KCNIP3: variants seen among roughly 807,000 people sequenced by gnomAD.
KCNIP3 encodes the protein potassium voltage-gated channel interacting protein 3.
Under a neutral mutation model 35.0 loss-of-function variants are expected in KCNIP3, and 28 were observed. The observed-to-expected ratio is 0.80, with a 90% confidence interval of 0.59 to 1.10. The LOEUF is 1.10. KCNIP3 is among the 50% of genes least tolerant of loss of function. KCNIP3 has a pLI of 0.00. For missense variants in KCNIP3, 295 were observed against 338.4 expected (o/e 0.87, Z 1.01); for synonymous variants, 134 against 133.8 (o/e 1.00, Z -0.01).
At chr2:95,353,735 C>T (rs1679584671) in intron 2 of KCNIP3, among the ~76,000 whole-genome samples, 1 of 152,152 alleles carries the variant, frequency 6.6e-6, no homozygotes, top group African/African-American at 2.4e-5. Context: ...CTGATGCAGC[C>T]CGACCCAGAG....
chr2:95,335,840 C>A (rs1390069123), intron 2 of KCNIP3, among the ~76,000 whole-genome samples: 2 of 152,096 alleles, frequency 1.3e-5, no homozygotes, highest in Admixed American at 6.6e-5. Context: ...TTTACTTCGA[C>A]CCACATATCC....
intron 2 of KCNIP3, among the ~76,000 whole-genome samples, chr2:95,349,952 A>G (rs1419689590): frequency 1.3e-5 from 2 of 152,182 alleles, no homozygotes; most frequent in Non-Finnish European, 2.9e-5. Context: ...CTGAAGGGCT[A>G]TGGTGCCTGA....
intron 2 of KCNIP3, among the ~76,000 whole-genome samples, chr2:95,362,926 C>T (rs1402729026): frequency 1.3e-5 from 2 of 152,182 alleles, no homozygotes; most frequent in African/African-American, 2.4e-5. Flanking sequence ...GTACTGCATT[C>T]TCATGCTAAT....
chr2:95,318,808 T>G (rs890642634), intron 2 of KCNIP3, among the ~76,000 whole-genome samples: 29 of 151,786 alleles, frequency 1.9e-4, no homozygotes, highest in African/African-American at 6.8e-4. Flanking sequence ...CGGAGGAGAG[T>G]AGGCTAAAGA....
chr2:95,347,228 G>T, intron 2 of KCNIP3: 8 of 954,800 alleles, frequency 8.4e-6, no homozygotes, highest in Non-Finnish European at 1.1e-5. Context: ...GCGAGGAGCG[G>T]CCTGGGCCGC....
chr2:95,331,028 G>A (rs1220320747), intron 2 of KCNIP3, among the ~76,000 whole-genome samples: 1 of 152,152 alleles, frequency 6.6e-6, no homozygotes, highest in East Asian at 1.9e-4. Context: ...GAGAGTGAAA[G>A]GGAAGCTGTC....
chr2:95,383,953 T>G, intron 8 of KCNIP3, 49 bp from the exon 9 acceptor site: 1 of 1,568,146 alleles, frequency 6.4e-7, no homozygotes, highest in Non-Finnish European at 8.8e-7. Context: ...GGGGGTCGGA[T>G]TTGGAGCCCA....
rs371078367 is a variant in KCNIP3 at position 95,319,033 on chromosome 2, C to T, written c.181+8513C>T. The stretch of plus-strand genomic sequence containing the variant: ...CCAGGGGCTCATCCCCCAATCTTGT[C>T]CCTGCCCTGTCCTGAGTGCCTTGCA... On this transcript the variant is annotated intron_variant, in intron 2 of 8. Transcript: ENST00000295225. 6.6e-5 allele frequency among the ~76,000 whole-genome samples: 10 copies of T among 152,356 alleles called. No homozygotes were observed. In the East Asian group the frequency reaches 1.2e-3, roughly 18 times the overall value.
At chr2:95,383,124 T>TCCCCCCCCCCCCC in intron 7 of KCNIP3, 108 bp from the exon 8 acceptor site, 1 of 289,100 alleles carries the variant, frequency 3.5e-6, no homozygotes, top group Non-Finnish European at 6.9e-6. Flanking sequence ...CACCCGCCCA[T>TCCCCCCCCCCCCC]CCACCCACCC....
intron 2 of KCNIP3, among the ~76,000 whole-genome samples, chr2:95,325,858 CACAG>C (rs2104235959): frequency 1.0e-4 from 1 of 9,600 alleles, no homozygotes; most frequent in Non-Finnish European, 2.2e-4. Flanking sequence ...CACATACACT[CACAG>C]GCACACATAC....
chr2:95,310,869 T>C (rs1221909663), intron 2 of KCNIP3: 3 of 352,832 alleles, frequency 8.5e-6, no homozygotes, highest in Admixed American at 4.4e-5. Flanking sequence ...GGGCACCTCA[T>C]TGATCCTTTC....
At chr2:95,338,632 CG>C (rs946914849) in intron 2 of KCNIP3, among the ~76,000 whole-genome samples, 2 of 152,174 alleles carry the variant, frequency 1.3e-5, no homozygotes, top group African/African-American at 4.8e-5. Context: ...AGAACACTGT[CG>C]CCCCCAATGA....
At chr2:95,299,892 T>A (rs1306683775) in intron 1 of KCNIP3, among the ~76,000 whole-genome samples, 1 of 152,222 alleles carries the variant, frequency 6.6e-6, no homozygotes, top group African/African-American at 2.4e-5. Context: ...AACGCCCATC[T>A]AGGACATTGT....
chr2:95,330,071 C>T (rs1487656020), intron 2 of KCNIP3, among the ~76,000 whole-genome samples: 4 of 152,212 alleles, frequency 2.6e-5, no homozygotes, highest in South Asian at 2.1e-4. Flanking sequence ...CCGCAGCCAC[C>T]GCCAGCTGCC....
intron 2 of KCNIP3, among the ~76,000 whole-genome samples, chr2:95,315,801 A>T (rs1054082200): frequency 2.0e-5 from 3 of 152,098 alleles, no homozygotes; most frequent in Admixed American, 2.0e-4. Context: ...GGAAAGCGGC[A>T]ATGCAGCAGG....
At chr2:95,325,866 CACAT>C (rs1324769612) in intron 2 of KCNIP3, among the ~76,000 whole-genome samples, 6 of 151,552 alleles carry the variant, frequency 4.0e-5, no homozygotes, top group African/African-American at 9.7e-5. Flanking sequence ...CTCACAGGCA[CACAT>C]ACACTCAGAC....
chr2:95,352,901 G>A (rs1679563319), intron 2 of KCNIP3, among the ~76,000 whole-genome samples: 2 of 152,178 alleles, frequency 1.3e-5, no homozygotes, highest in Admixed American at 1.3e-4. Flanking sequence ...TAACAGCCTG[G>A]TCACCCTGCA....
chr2:95,303,831 G>T (rs1232211583), intron 1 of KCNIP3, among the ~76,000 whole-genome samples: 2 of 152,230 alleles, frequency 1.3e-5, no homozygotes, highest in African/African-American at 4.8e-5. Flanking sequence ...ATAGAGACAT[G>T]ATGCAAGCCA....
At position 95,383,304 on chromosome 2, in the gene KCNIP3, A is replaced by G. The variant is rs1268480924; in HGVS notation, c.723+10A>G. ...GGAGGCCTGTCAGAAGGTAGGTGGC[A>G]CGGGAGGCTGGGCCACAGTTCTCTG... On this transcript the variant is annotated intron_variant, in intron 8 of 8. Transcript: ENST00000295225. 6.2e-7 allele frequency: 1 copy of G among 1,612,922 alleles called. No individual in the cohort carries two copies. Among genetic ancestry groups the G allele is most frequent in the Admixed American group, 1.7e-5 (1 of 59,958 alleles).
Sources: gnomAD v4.1 joint callset for allele counts (sites outside exome capture counted in the v4.1 genomes callset) on GRCh38, gnomAD v4.1.1 for gene constraint, MANE v1.5 for transcripts, NCBI Gene and HGNC (gene_info 2026-07-23, HGNC 2026-07-21) for gene names.